The following MAPK10 variants were observed in gnomAD, a reference collection of about 807,000 sequenced individuals.
The protein encoded by MAPK10 is mitogen-activated protein kinase 10.
A neutral mutation model predicts 59.3 loss-of-function variants in MAPK10; 25 were observed. The observed-to-expected ratio is 0.42, with a 90% CI of 0.31 to 0.59. MAPK10 has a LOEUF of 0.59. Ranked by LOEUF, MAPK10 falls within the 20% of genes least tolerant of loss-of-function variation. MAPK10 has a pLI of 0.15. For synonymous variants in MAPK10, 190 were observed against 200.5 expected, an observed-to-expected ratio of 0.95 and a Z score of 0.44; for missense variants, 351 against 568.9, an observed-to-expected ratio of 0.62 and a Z score of 3.90.
chr4:86,122,431 T>C (rs960633715), intron 4 of MAPK10, among the ~76,000 whole-genome samples: 2 of 152,184 alleles, frequency 1.3e-5, no homozygotes, highest in Non-Finnish European at 2.9e-5. Flanking sequence ...CACCTCTTGG[T>C]AGCCATTGCT....
intron 11 of MAPK10, among the ~76,000 whole-genome samples, chr4:86,036,662 T>G (rs2040374688): frequency 6.6e-6 from 1 of 152,186 alleles, no homozygotes; most frequent in Non-Finnish European, 1.5e-5. Flanking sequence ...TACTGTTGAA[T>G]CTAAAATAAA....
chr4:86,049,570 T>C (rs1050727847), intron 11 of MAPK10, among the ~76,000 whole-genome samples: 1 of 152,134 alleles, frequency 6.6e-6, no homozygotes, highest in African/African-American at 2.4e-5. Context: ...ACTGTTCAGT[T>C]TAAAATAGTT....
intron 3 of MAPK10, among the ~76,000 whole-genome samples, chr4:86,170,772 T>C (rs2073884820): frequency 1.4e-5 from 2 of 138,886 alleles, no homozygotes; most frequent in Non-Finnish European, 3.3e-5. Flanking sequence ...AGAATATACA[T>C]TTTTTTCAGC....
intron 1 of MAPK10, among the ~76,000 whole-genome samples, chr4:86,491,869 T>C (rs1754479717): frequency 6.6e-6 from 1 of 152,202 alleles, no homozygotes; most frequent in South Asian, 2.1e-4. Flanking sequence ...TTTATTTTTT[T>C]AGCTTACATA....
intron 1 of MAPK10, among the ~76,000 whole-genome samples, chr4:86,527,706 C>G (rs1327315622): frequency 6.6e-6 from 1 of 152,202 alleles, no homozygotes; most frequent in Non-Finnish European, 1.5e-5. Context: ...AAGACACATG[C>G]ACTTGTGTGT....
intron 2 of MAPK10, among the ~76,000 whole-genome samples, chr4:86,237,022 G>A (rs1242122609): frequency 6.6e-6 from 1 of 152,048 alleles, no homozygotes; most frequent in East Asian, 1.9e-4. Context: ...CATAGTGTGT[G>A]TTGTTCCCCT....
At chr4:86,385,093 T>A (rs1741295618) in intron 1 of MAPK10, among the ~76,000 whole-genome samples, 1 of 152,058 alleles carries the variant, frequency 6.6e-6, no homozygotes, top group Admixed American at 6.6e-5. Context: ...CAGAAAACAC[T>A]TTTTTTCATA....
At chr4:86,584,449 A>T (rs1762525333) in intron 1 of MAPK10, among the ~76,000 whole-genome samples, 1 of 152,034 alleles carries the variant, frequency 6.6e-6, no homozygotes, top group Non-Finnish European at 1.5e-5. Flanking sequence ...AATTTTGGGG[A>T]GTATGGAGTT....
chr4:86,437,132 T>C (rs1748850395), intron 1 of MAPK10, among the ~76,000 whole-genome samples: 1 of 149,268 alleles, frequency 6.7e-6, no homozygotes, highest in African/African-American at 2.5e-5. Flanking sequence ...GAGAATGGCG[T>C]GAACCTGGGA....
chr4:86,069,789 G>T (rs1037717745), intron 9 of MAPK10, among the ~76,000 whole-genome samples: 1 of 152,008 alleles, frequency 6.6e-6, no homozygotes, highest in Non-Finnish European at 1.5e-5. Context: ...CAGATTTTCT[G>T]TAAATAAGTC....
chr4:86,401,027 A>G (rs1049822744), intron 1 of MAPK10, among the ~76,000 whole-genome samples: 3 of 152,184 alleles, frequency 2.0e-5, no homozygotes, highest in African/African-American at 7.2e-5. Flanking sequence ...AAAAAATTAC[A>G]AATTAGTGGT....
intron 1 of MAPK10, among the ~76,000 whole-genome samples, chr4:86,428,677 T>C (rs1747630130): frequency 6.6e-6 from 1 of 152,188 alleles, no homozygotes; most frequent in Non-Finnish European, 1.5e-5. Context: ...TTTTCAAAAA[T>C]AGAAATGGTA....
intron 3 of MAPK10, among the ~76,000 whole-genome samples, chr4:86,182,613 A>T (rs1382670471): frequency 2.0e-5 from 3 of 152,276 alleles, no homozygotes; most frequent in Non-Finnish European, 1.5e-5. Context: ...TCCAAGGAAC[A>T]TAGTTAGAAA....
chr4:86,030,228 G>A (rs2038686568), intron 12 of MAPK10, among the ~76,000 whole-genome samples: 1 of 151,806 alleles, frequency 6.6e-6, no homozygotes, highest in African/African-American at 2.4e-5. Context: ...TCCACTTTTT[G>A]TATATGTTCA....
chr4:86,442,269 T>C (rs975380441), intron 1 of MAPK10, among the ~76,000 whole-genome samples: 1 of 152,216 alleles, frequency 6.6e-6, no homozygotes, highest in East Asian at 1.9e-4. Flanking sequence ...ATTTCAATAT[T>C]TCAATCTTTT....
intron 2 of MAPK10, among the ~76,000 whole-genome samples, chr4:86,291,987 C>T (rs931015698): frequency 6.6e-6 from 1 of 152,116 alleles, no homozygotes; most frequent in African/African-American, 2.4e-5. Context: ...TGGACTTTTT[C>T]TCATATCTTT....
intron 1 of MAPK10, among the ~76,000 whole-genome samples, chr4:86,533,602 C>T (rs1483779121): frequency 6.6e-6 from 1 of 152,086 alleles, no homozygotes; most frequent in Non-Finnish European, 1.5e-5. Flanking sequence ...CTGCAAGTAC[C>T]TTTGGTCTTT....
chr4:86,550,009 T>C (rs1759631770), intron 1 of MAPK10, among the ~76,000 whole-genome samples: 1 of 152,154 alleles, frequency 6.6e-6, no homozygotes, highest in Non-Finnish European at 1.5e-5. Flanking sequence ...ATCAATACCT[T>C]TCAAGGATAG....
chr4:86,423,491 G>A (rs1036487742), intron 1 of MAPK10, among the ~76,000 whole-genome samples: 2 of 152,118 alleles, frequency 1.3e-5, no homozygotes, highest in African/African-American at 4.8e-5. Flanking sequence ...AACAAATGGT[G>A]GCAGTGGCTG....
Sources: gnomAD v4.1 joint callset for allele counts (sites outside exome capture counted in the v4.1 genomes callset) on GRCh38, gnomAD v4.1.1 for gene constraint, MANE v1.5 for transcripts, NCBI Gene and HGNC (gene_info 2026-07-23, HGNC 2026-07-21) for gene names.